The following EZH1 variants were observed in gnomAD, a reference collection of about 807,000 sequenced individuals.
The protein encoded by EZH1 is histone-lysine N-methyltransferase EZH1.
A neutral mutation model predicts 100.5 loss-of-function variants in EZH1; 33 were observed. The ratio of observed to expected loss-of-function variants is 0.33; its 90% CI spans 0.25 to 0.44. The LOEUF (loss-of-function observed/expected upper bound fraction) is 0.44. Among genes scored for constraint, EZH1 ranks in the 20% least tolerant of loss-of-function variants. The pLI, the probability that EZH1 is intolerant of heterozygous loss-of-function variation, is 1.00. For synonymous variants in EZH1, 272 were observed against 313.8 expected (o/e 0.87, Z 1.41); for missense variants, 475 against 928.4 (o/e 0.51, Z 6.35).
chr17:42,737,531 C>T (rs375237572), intron 1 of EZH1, among the ~76,000 whole-genome samples: 33 of 152,166 alleles, frequency 2.2e-4, no homozygotes, highest in African/African-American at 7.5e-4. Flanking sequence ...GGAGCCTGCA[C>T]GATCAAGGCT....
chr17:42,702,597 C>G lies in EZH1; in HGVS notation c.2184-5G>C, dbSNP rs535021999. The stretch of plus-strand genomic sequence containing the variant: ...AGAGCATCAGCTTGGCTGTACCTGT[C>G]CCAGAGCAGGGAAGAGGAACCAGGT... On this transcript the variant is annotated splice_polypyrimidine_tract_variant and splice_region_variant and intron_variant, in intron 20 of 20. Transcript: ENST00000428826. 1 of 1,566,208 alleles carries G rather than the reference C, an allele frequency of 6.4e-7. No individual in the cohort carries two copies. Among genetic ancestry groups the G allele is most frequent in the Non-Finnish European group, 8.7e-7 (1 of 1,153,436 alleles).
At chr17:42,704,747 C>T (rs528283974) in intron 17 of EZH1, 64 bp from the exon 18 acceptor site, 5 of 1,360,312 alleles carry the variant, frequency 3.7e-6, no homozygotes, top group East Asian at 4.7e-5. Context: ...TGGTACCCTG[C>T]CCCCAGAAAG....
intron 20 of EZH1, 59 bp from the exon 21 acceptor site, chr17:42,702,651 G>A (rs1385804497): frequency 6.6e-7 from 1 of 1,509,896 alleles, no homozygotes; most frequent in Non-Finnish European, 9.0e-7. Flanking sequence ...GATTGAAAAG[G>A]CGGAGTCCCC....
At chr17:42,744,765 C>G (rs928615007) in intron 1 of EZH1, among the ~76,000 whole-genome samples, 1 of 152,038 alleles carries the variant, frequency 6.6e-6, no homozygotes, top group Non-Finnish European at 1.5e-5. Context: ...GCCGCTCCTC[C>G]TCCCGGGCAC....
rs1017234215 is a variant in EZH1, at chr17:42,706,271, A to C, written c.1661-86T>G. Reference sequence around the variant, plus strand: ...TGACTCAAGGGACAGCAAAGAAGTAAATTTTTTGTGTTCAAGGATGTTTGG... The same window carrying C: ...TGACTCAAGGGACAGCAAAGAAGTACATTTTTTGTGTTCAAGGATGTTTGG... On this transcript the variant is annotated intron_variant, in intron 15 of 20. Transcript: ENST00000428826. This position sits in a 1 kb window ranked among gnomAD's most constrained non-coding sequence, Gnocchi z 4.4. 1 of 1,274,832 alleles carries C rather than the reference A, an allele frequency of 7.8e-7. No individual in the cohort carries two copies. The highest frequency in any genetic ancestry group is 1.0e-6 in the Non-Finnish European group (1 of 959,960). The allele number at this position is 1,274,832 out of a possible 1,614,324, so 79.0% of individuals were successfully genotyped here.
At chr17:42,719,523 G>A (rs2053666344) in intron 7 of EZH1, among the ~76,000 whole-genome samples, 2 of 152,176 alleles carry the variant, frequency 1.3e-5, no homozygotes, top group Admixed American at 1.3e-4. Flanking sequence ...GATCACTTGA[G>A]GCCAGGAGTT....
At chr17:42,712,172 G>T in intron 12 of EZH1, 117 bp downstream of exon 12, 1 of 1,115,380 alleles carries the variant, frequency 9.0e-7, no homozygotes, top group Non-Finnish European at 1.3e-6. Flanking sequence ...ATCAGGGACT[G>T]AACTTAAGAC....
Position 42,727,695 on chromosome 17 carries a change from C to T in EZH1, c.186G>A (p.Lys62=), listed in dbSNP as rs2053848802. 1 of 1,609,098 alleles carries T rather than the reference C, an allele frequency of 6.2e-7. No homozygotes were observed. The highest frequency in any genetic ancestry group is 8.5e-7 in the Non-Finnish European group (1 of 1,178,560). ...KTQILNEEWK[K]LRVQPVQSMK... ...TTGACTGAACAGGTTGGACACGAAG[C>T]TTCTTCCATTCTTCATTGAGGATCT... The change falls in exon 4 of 21, where the codon AAG becomes AAA. Residue 62 remains lysine (K), a synonymous_variant. Coordinates refer to ENST00000428826, the MANE Select transcript of EZH1 (RefSeq NM_001991.5).
chr17:42,739,275 C>T (rs561257909), intron 1 of EZH1, among the ~76,000 whole-genome samples: 3 of 152,176 alleles, frequency 2.0e-5, no homozygotes, highest in Non-Finnish European at 4.4e-5. Flanking sequence ...AAGCACATCT[C>T]TAATTTATAC....
At chr17:42,727,029 T>C (rs1338106291) in intron 4 of EZH1, among the ~76,000 whole-genome samples, 1 of 151,756 alleles carries the variant, frequency 6.6e-6, no homozygotes, top group African/African-American at 2.4e-5. Context: ...TTTGTATTTT[T>C]AGTAGAGACA....
At chr17:42,743,093 T>C (rs180826391) in intron 1 of EZH1, among the ~76,000 whole-genome samples, 4 of 152,190 alleles carry the variant, frequency 2.6e-5, no homozygotes, top group Non-Finnish European at 4.4e-5. Context: ...GCTCTCGGAC[T>C]CTTGACCTCA....
At chr17:42,727,826 T>A in intron 3 of EZH1, 63 bp from the exon 4 acceptor site, 1 of 1,178,068 alleles carries the variant, frequency 8.5e-7, no homozygotes, top group Admixed American at 4.0e-5. Flanking sequence ...AATAATTTAT[T>A]TTTTTGAGAT....
At chr17:42,734,608 G>A (rs2054027420) in intron 1 of EZH1, among the ~76,000 whole-genome samples, 1 of 150,978 alleles carries the variant, frequency 6.6e-6, no homozygotes, top group Non-Finnish European at 1.5e-5. Context: ...GGTAGAGGCT[G>A]CAGTGAGCCA....
At chr17:42,744,663 C>T (rs1164137976) in intron 1 of EZH1, among the ~76,000 whole-genome samples, 2 of 152,172 alleles carry the variant, frequency 1.3e-5, no homozygotes, top group Non-Finnish European at 2.9e-5. Flanking sequence ...CCGCAGGTGC[C>T]ACCGCCCTCC....
chr17:42,702,684 C>T, intron 20 of EZH1, 92 bp from the exon 21 acceptor site: 1 of 1,361,300 alleles, frequency 7.3e-7, no homozygotes, highest in Non-Finnish European at 1.0e-6. Context: ...TCCCCTCCCA[C>T]TCCTTAAGGG....
chr17:42,713,365 G>A lies in EZH1; in HGVS notation c.1048C>T (p.Leu350Phe). 1 of 1,608,478 alleles carries A rather than the reference G, an allele frequency of 6.2e-7. No homozygotes were observed. The highest frequency in any genetic ancestry group is 2.2e-5 in the East Asian group (1 of 44,674). ...LLEGAKEYAM[L>F]HNPRSKCSGR... The stretch of plus-strand genomic sequence containing the variant: ...GAGCACTTGGAGCGGGGGTTGTGGA[G>A]CATGGCATACTCCTTTGCTCCTTCC... The change falls in exon 11 of 21, where the codon CTC becomes TTC. Residue 350 changes from leucine (L) to phenylalanine (F), a missense_variant. Physicochemically the swap from Leu to Phe is conservative, Grantham distance 22. This residue lies in a region of EZH1 where 180 missense variants were observed against 295.3 expected (regional missense o/e 0.61). Coordinates refer to ENST00000428826, the MANE Select transcript of EZH1 (RefSeq NM_001991.5).
At chr17:42,710,782 CTTTTTTT>C (rs5820471) in intron 12 of EZH1, among the ~76,000 whole-genome samples, 3 of 107,574 alleles carry the variant, frequency 2.8e-5, no homozygotes, top group Non-Finnish European at 5.6e-5. Context: ...AGGTACGTGG[CTTTTTTT>C]TTTTTTTTTT....
intron 11 of EZH1, among the ~76,000 whole-genome samples, 184 bp from the exon 12 acceptor site, chr17:42,712,669 G>A (rs892110354): frequency 9.9e-5 from 15 of 152,170 alleles, no homozygotes; most frequent in Non-Finnish European, 2.1e-4. Context: ...TTGGGAGGCC[G>A]AGGTGGGTGG....
At chr17:42,739,123 T>C (rs758123772) in intron 1 of EZH1, among the ~76,000 whole-genome samples, 13 of 152,218 alleles carry the variant, frequency 8.5e-5, no homozygotes, top group Non-Finnish European at 1.3e-4. Flanking sequence ...GAAACCTGAA[T>C]GATAGGGGTG....
Sources: allele counts gnomAD v4.1 joint callset (sites outside exome capture counted in the v4.1 genomes callset), GRCh38; gene constraint gnomAD v4.1.1; regional missense constraint gnomAD v4.1.1; non-coding constraint Gnocchi (gnomAD v3.1); transcripts MANE v1.5; gene names NCBI Gene and HGNC (gene_info 2026-07-23, HGNC 2026-07-21).